The following GNAQ variants were observed in gnomAD, a reference collection of about 807,000 sequenced individuals.
The protein encoded by GNAQ is guanine nucleotide-binding protein G(q) subunit alpha.
Under a neutral mutation model 43.9 loss-of-function variants are expected in GNAQ, and 8 were observed. That is an observed-to-expected ratio of 0.18 (90% CI 0.11 to 0.33). The LOEUF is 0.33. Among genes scored for constraint, GNAQ ranks in the 10% least tolerant of loss-of-function variants. The pLI is 1.00. For missense variants in GNAQ, 158 were observed against 450.8 expected (o/e 0.35, Z 5.88); for synonymous variants, 155 against 170.7 (o/e 0.91, Z 0.71).
At chr9:77,850,539 A>G (rs936759758) in intron 2 of GNAQ, among the ~76,000 whole-genome samples, 1 of 152,146 alleles carries the variant, frequency 6.6e-6, no homozygotes, top group African/African-American at 2.4e-5. Context: ...ACGTAAACCT[A>G]ATCACATCAC....
intron 1 of GNAQ, among the ~76,000 whole-genome samples, chr9:78,018,415 G>C (rs888978982): frequency 3.3e-5 from 5 of 152,026 alleles, no homozygotes; most frequent in African/African-American, 9.7e-5. Context: ...ATAAATTTAT[G>C]AATATTTTAA....
intron 1 of GNAQ, among the ~76,000 whole-genome samples, chr9:78,027,718 T>C (rs1181078659): frequency 1.4e-5 from 2 of 139,844 alleles, no homozygotes; most frequent in African/African-American, 5.5e-5. Context: ...GCCATTGCAC[T>C]CCAGCTTGGG....
At chr9:77,798,101 A>C (rs886798408) in intron 3 of GNAQ, among the ~76,000 whole-genome samples, 1 of 152,000 alleles carries the variant, frequency 6.6e-6, no homozygotes, top group Non-Finnish European at 1.5e-5. Flanking sequence ...CCTGGAATGA[A>C]TTTCACTATT....
intron 2 of GNAQ, among the ~76,000 whole-genome samples, chr9:77,824,609 T>C (rs969944111): frequency 6.6e-6 from 1 of 152,206 alleles, no homozygotes; most frequent in African/African-American, 2.4e-5. Flanking sequence ...CTATGCTCCA[T>C]GAAAAATTAT....
chr9:77,939,500 T>G (rs1248067475), intron 1 of GNAQ, among the ~76,000 whole-genome samples: 2 of 152,176 alleles, frequency 1.3e-5, no homozygotes, highest in Non-Finnish European at 2.9e-5. Flanking sequence ...CTCATAAATT[T>G]CACCACCTTG....
intron 1 of GNAQ, among the ~76,000 whole-genome samples, chr9:77,947,851 T>C (rs1222387466): frequency 6.6e-6 from 1 of 152,180 alleles, no homozygotes; most frequent in Admixed American, 6.5e-5. Flanking sequence ...AGAGCACAGG[T>C]GTCAGAGCCA....
At chr9:77,945,305 G>T (rs1273223734) in intron 1 of GNAQ, among the ~76,000 whole-genome samples, 1 of 151,966 alleles carries the variant, frequency 6.6e-6, no homozygotes, top group Admixed American at 6.6e-5. Flanking sequence ...TAGCTATAAA[G>T]TTGCTTTACT....
intron 2 of GNAQ, among the ~76,000 whole-genome samples, chr9:77,910,634 A>T (rs915217112): frequency 2.8e-5 from 4 of 145,352 alleles, no homozygotes; most frequent in African/African-American, 5.0e-5. Flanking sequence ...TTAGAGTGCT[A>T]TTTTTTTTTT....
At chr9:77,845,064 G>A (rs1338650979) in intron 2 of GNAQ, among the ~76,000 whole-genome samples, 1 of 152,186 alleles carries the variant, frequency 6.6e-6, no homozygotes, top group South Asian at 2.1e-4. Context: ...AAACTGCAAA[G>A]TACTACTCTA....
At chr9:78,018,739 T>C (rs1225843312) in intron 1 of GNAQ, among the ~76,000 whole-genome samples, 1 of 152,150 alleles carries the variant, frequency 6.6e-6, no homozygotes, top group Non-Finnish European at 1.5e-5. Flanking sequence ...AGTGCTCTTA[T>C]TTCATTCCAA....
At chr9:77,883,171 T>C (rs951862187) in intron 2 of GNAQ, among the ~76,000 whole-genome samples, 1 of 152,166 alleles carries the variant, frequency 6.6e-6, no homozygotes, top group East Asian at 1.9e-4. Flanking sequence ...AACTGAAATA[T>C]AACTGATGTC....
intron 2 of GNAQ, among the ~76,000 whole-genome samples, chr9:77,853,921 C>T (rs975190168): frequency 6.6e-6 from 1 of 152,020 alleles, no homozygotes; most frequent in African/African-American, 2.4e-5. Flanking sequence ...TGCCTCCAGG[C>T]GAGAGGACAG....
chr9:77,984,704 C>T (rs780793424), intron 1 of GNAQ, among the ~76,000 whole-genome samples: 1 of 152,058 alleles, frequency 6.6e-6, no homozygotes, highest in Non-Finnish European at 1.5e-5. Flanking sequence ...GAGAAGTATA[C>T]CCAGGGATTC....
intron 3 of GNAQ, among the ~76,000 whole-genome samples, chr9:77,812,895 T>G (rs961620850): frequency 5.9e-5 from 9 of 151,690 alleles, no homozygotes; most frequent in African/African-American, 2.2e-4. Context: ...TAAGAATAAT[T>G]TATTTTTATT....
At chr9:77,817,284 T>A (rs1354313151) in intron 2 of GNAQ, among the ~76,000 whole-genome samples, 2 of 152,194 alleles carry the variant, frequency 1.3e-5, no homozygotes, top group African/African-American at 4.8e-5. Context: ...TGTCTTTCTC[T>A]CTAATCATGG....
At chr9:77,879,808 T>C (rs1828182509) in intron 2 of GNAQ, among the ~76,000 whole-genome samples, 1 of 152,180 alleles carries the variant, frequency 6.6e-6, no homozygotes, top group Admixed American at 6.5e-5. Flanking sequence ...AAACAGACCA[T>C]ATCTGAAAAA....
At chr9:77,923,464 GA>G (rs1267039490) in intron 1 of GNAQ, among the ~76,000 whole-genome samples, 3 of 152,082 alleles carry the variant, frequency 2.0e-5, no homozygotes, top group Non-Finnish European at 2.9e-5. Context: ...AGACAAGACA[GA>G]AAAATGGGAT....
chr9:77,877,720 A>G (rs1051509273), intron 2 of GNAQ, among the ~76,000 whole-genome samples: 3 of 152,202 alleles, frequency 2.0e-5, no homozygotes, highest in African/African-American at 7.2e-5. Flanking sequence ...CTTCTTGGCT[A>G]ACAGGAATGA....
intron 1 of GNAQ, among the ~76,000 whole-genome samples, chr9:77,983,852 C>T (rs76879002): frequency 6.6e-6 from 1 of 152,026 alleles, no homozygotes; most frequent in East Asian, 1.9e-4. Context: ...ACGGTCAGAA[C>T]TTGCTGTATC....
Sources: gnomAD v4.1 joint callset for allele counts (sites outside exome capture counted in the v4.1 genomes callset) on GRCh38, gnomAD v4.1.1 for gene constraint, MANE v1.5 for transcripts, NCBI Gene and HGNC (gene_info 2026-07-23, HGNC 2026-07-21) for gene names.